The following PLD5 variants were observed in gnomAD, a reference collection of about 807,000 sequenced individuals.
PLD5 encodes phospholipase D family member 5.
Under a neutral mutation model 61.1 loss-of-function variants are expected in PLD5, and 36 were observed. The ratio of observed to expected loss-of-function variants is 0.59; its 90% CI spans 0.45 to 0.78. The LOEUF (loss-of-function observed/expected upper bound fraction) is 0.78. Among genes scored for constraint, PLD5 ranks in the 30% least tolerant of loss-of-function variants. PLD5 has a pLI of 0.00. For missense variants in PLD5, 515 were observed against 644.4 expected, an observed-to-expected ratio of 0.80 and a Z score of 2.17; for synonymous variants, 243 against 242.8, an observed-to-expected ratio of 1.00 and a Z score of -0.01.
At chr1:242,431,518 T>G (rs974672065) in intron 1 of PLD5, among the ~76,000 whole-genome samples, 2 of 152,228 alleles carry the variant, frequency 1.3e-5, no homozygotes, top group Non-Finnish European at 2.9e-5. Flanking sequence ...GTGGTGCATG[T>G]GACGCTTGCT....
intron 5 of PLD5, among the ~76,000 whole-genome samples, chr1:242,190,052 C>A (rs78728035): frequency 6.6e-6 from 1 of 150,496 alleles, no homozygotes; most frequent in Non-Finnish European, 1.5e-5. Context: ...CAGGCAGCCT[C>A]GGCATCTCCT....
intron 5 of PLD5, among the ~76,000 whole-genome samples, chr1:242,180,877 G>A (rs1667472972): frequency 1.3e-5 from 2 of 152,100 alleles, no homozygotes; most frequent in South Asian, 4.1e-4. Flanking sequence ...CAGCTACTTG[G>A]GAAGCTGAGG....
At chr1:242,188,253 A>C (rs1167301342) in intron 5 of PLD5, among the ~76,000 whole-genome samples, 2 of 152,190 alleles carry the variant, frequency 1.3e-5, no homozygotes, top group African/African-American at 4.8e-5. Context: ...GTGGCTGAAG[A>C]ACAGAGTCAA....
At chr1:242,136,454 G>A (rs1663740344) in intron 5 of PLD5, among the ~76,000 whole-genome samples, 2 of 152,114 alleles carry the variant, frequency 1.3e-5, no homozygotes, top group African/African-American at 4.8e-5. Flanking sequence ...ATAGTGCTTT[G>A]AATGGAGCAG....
chr1:242,497,227 G>C (rs750079708), intron 1 of PLD5, among the ~76,000 whole-genome samples: 1 of 152,166 alleles, frequency 6.6e-6, no homozygotes, highest in African/African-American at 2.4e-5. Flanking sequence ...CTAAAACCCA[G>C]ACCTACTAAT....
chr1:242,191,520 A>T (rs1033484000), intron 5 of PLD5, among the ~76,000 whole-genome samples: 1 of 151,272 alleles, frequency 6.6e-6, no homozygotes, highest in East Asian at 2.0e-4. Context: ...CAGGACGGGG[A>T]AGTTGCAGTG....
chr1:242,461,662 G>A (rs544084733), intron 1 of PLD5, among the ~76,000 whole-genome samples: 4 of 152,202 alleles, frequency 2.6e-5, no homozygotes, highest in Admixed American at 6.5e-5. Flanking sequence ...TTGAGAAATC[G>A]CCAGGCTGCT....
At chr1:242,115,996 A>G (rs1213496380) in intron 6 of PLD5, among the ~76,000 whole-genome samples, 2 of 152,234 alleles carry the variant, frequency 1.3e-5, no homozygotes, top group Non-Finnish European at 2.9e-5. Flanking sequence ...AGGACTGAAA[A>G]TAGTGTTTCC....
At chr1:242,352,733 C>T (rs1660547766) in intron 1 of PLD5, among the ~76,000 whole-genome samples, 1 of 152,168 alleles carries the variant, frequency 6.6e-6, no homozygotes, top group South Asian at 2.1e-4. Context: ...TGATGATAGC[C>T]ACTCTAACAG....
intron 1 of PLD5, among the ~76,000 whole-genome samples, chr1:242,510,758 T>C (rs1212396713): frequency 1.3e-5 from 2 of 151,150 alleles, no homozygotes; most frequent in African/African-American, 4.9e-5. Context: ...GGCAGGAGAA[T>C]GGCATGACCC....
At chr1:242,365,253 G>A (rs563202538) in intron 1 of PLD5, 4 of 152,608 alleles carry the variant, frequency 2.6e-5, no homozygotes, top group Admixed American at 2.0e-4. Context: ...GCATGGGGAC[G>A]AGTGCAAGTG....
At chr1:242,101,156 T>C (rs908227606) in intron 8 of PLD5, among the ~76,000 whole-genome samples, 2 of 152,228 alleles carry the variant, frequency 1.3e-5, no homozygotes, top group African/African-American at 4.8e-5. Flanking sequence ...ATGAACCGAA[T>C]GAGTATTCTT....
At chr1:242,388,590 C>A (rs1662734262) in intron 1 of PLD5, among the ~76,000 whole-genome samples, 1 of 152,104 alleles carries the variant, frequency 6.6e-6, no homozygotes, top group Non-Finnish European at 1.5e-5. Flanking sequence ...GGGAAATATA[C>A]ACAGAATGTT....
At chr1:242,492,374 T>G (rs1205008890) in intron 1 of PLD5, among the ~76,000 whole-genome samples, 1 of 151,574 alleles carries the variant, frequency 6.6e-6, no homozygotes, top group South Asian at 2.1e-4. Context: ...TACTAAAAAT[T>G]AGCTGGGCAT....
At chr1:242,162,793 A>G (rs1414766442) in intron 5 of PLD5, among the ~76,000 whole-genome samples, 2 of 152,186 alleles carry the variant, frequency 1.3e-5, no homozygotes, top group Non-Finnish European at 1.5e-5. Context: ...TAGAATAGAC[A>G]GACAGCTCCA....
Position 242,491,222 on chromosome 1 carries a change from G to C in PLD5, c.189+32866C>G, listed in dbSNP as rs565968592. ...CTTCTTTCTCTGTCTTAGACCTTTC[G>C]AGTCCACATTCACTAATCTCTTTCA... On this transcript the variant is annotated intron_variant, in intron 1 of 9. Coordinates refer to ENST00000536534, the MANE Select transcript of PLD5 (RefSeq NM_001372062.1). Among the ~76,000 whole-genome samples the C allele has an allele frequency of 2.0e-5, 3 of 152,164 alleles. 1 individual carries two copies. The South Asian group carries it at 6.2e-4, about 32-fold the overall frequency.
At chr1:242,118,413 C>G (rs1400452697) in intron 6 of PLD5, among the ~76,000 whole-genome samples, 3 of 152,306 alleles carry the variant, frequency 2.0e-5, no homozygotes, top group Non-Finnish European at 2.9e-5. Context: ...GACAAGATCC[C>G]TTCTTTGTGG....
At chr1:242,173,184 C>G (rs1177064718) in intron 5 of PLD5, among the ~76,000 whole-genome samples, 1 of 152,102 alleles carries the variant, frequency 6.6e-6, no homozygotes, top group African/African-American at 2.4e-5. Flanking sequence ...TCTCCTTAAG[C>G]TGATAAGCAA....
intron 3 of PLD5, among the ~76,000 whole-genome samples, chr1:242,285,543 A>T (rs1362516886): frequency 1.3e-5 from 2 of 151,918 alleles, no homozygotes; most frequent in African/African-American, 4.8e-5. Flanking sequence ...GGATTGGGTC[A>T]TGGTGGAGGC....
Sources: gnomAD v4.1 joint callset for allele counts (sites outside exome capture counted in the v4.1 genomes callset) on GRCh38, gnomAD v4.1.1 for gene constraint, MANE v1.5 for transcripts, NCBI Gene and HGNC (gene_info 2026-07-23, HGNC 2026-07-21) for gene names.